The following BCO1 variants were observed in gnomAD, a reference collection of about 807,000 sequenced individuals.
BCO1 encodes beta,beta-carotene 15,15'-dioxygenase.
In BCO1, 54 loss-of-function variants were observed where a neutral mutation model predicts 56.3. The observed-to-expected ratio is 0.96, with a 90% CI of 0.77 to 1.20. BCO1 has a LOEUF of 1.20. Ranked by LOEUF, BCO1 falls within the 50% of genes most tolerant of loss-of-function variation. The pLI is 0.00. For synonymous variants in BCO1, 318 were observed against 266.1 expected (o/e 1.20, Z -1.90); for missense variants, 801 against 690.9 (o/e 1.16, Z -1.79).
intron 1 of BCO1, among the ~76,000 whole-genome samples, chr16:81,244,082 T>G (rs1489630420): frequency 6.6e-6 from 1 of 152,230 alleles, no homozygotes; most frequent in African/African-American, 2.4e-5. Context: ...TGCTTCCTGC[T>G]CTTCCTGCAT....
chr16:81,276,797 T>A (rs1457332120), intron 7 of BCO1, among the ~76,000 whole-genome samples: 1 of 152,086 alleles, frequency 6.6e-6, no homozygotes, highest in African/African-American at 2.4e-5. Flanking sequence ...CCAGGCATGG[T>A]GGCTCACGCG....
chr16:81,280,863 G>A lies in BCO1; in HGVS notation c.1108G>A (p.Glu370Lys). Residue 370 changes from glutamate (E) to lysine (K), a missense_variant, in exon 8 of 11, where the codon GAA becomes AAA. Transcript: ENST00000258168. Reference sequence around the variant, plus strand: ...GAAAACTGAATTTTTTCAGAATGCAGAAGTGGGCACAAATTTAATCAAAGT... The same window carrying A: ...GAAAACTGAATTTTTTCAGAATGCAAAAGTGGGCACAAATTTAATCAAAGT... ...AVPLHVDKNA[E>K]VGTNLIKVAS... 1.9e-6 allele frequency: 3 copies of A among 1,613,048 alleles called. No homozygotes were observed. The highest frequency in any genetic ancestry group is 4.5e-5 in the East Asian group (2 of 44,886).
chr16:81,262,682 G>C (rs185313460), intron 4 of BCO1: 2 of 325,326 alleles, frequency 6.1e-6, no homozygotes, highest in East Asian at 8.0e-5. Context: ...ACAAAAATTA[G>C]CCAGGCGTGG....
Position 81,262,137 on chromosome 16 carries a change from G to A in BCO1, c.325G>A (p.Ala109Thr). 1.2e-6 allele frequency: 2 copies of A among 1,613,750 alleles called. No homozygotes were observed. The highest frequency in any genetic ancestry group is 1.7e-6 in the Non-Finnish European group (2 of 1,179,976). The change falls in exon 4 of 11, where the codon GCT (alanine) becomes ACT (threonine). Residue 109 changes from alanine (A) to threonine (T), a missense_variant and splice_region_variant. By Grantham distance (58) the Ala-to-Thr change is moderately conservative. Coordinates refer to ENST00000258168, the MANE Select transcript of BCO1 (RefSeq NM_017429.3). ...PDPCKNIFSK[A>T]FSYLSHTIPD... ...CTGTTGATTTGCTTTTCTCCCCAGAGCTTTCTCCTACTTGTCTCACACCAT... is the reference window on the plus strand; with the variant it reads ...CTGTTGATTTGCTTTTCTCCCCAGAACTTTCTCCTACTTGTCTCACACCAT...
chr16:81,249,234 G>A (rs1484115927), intron 2 of BCO1, among the ~76,000 whole-genome samples: 3 of 151,806 alleles, frequency 2.0e-5, no homozygotes, highest in Non-Finnish European at 2.9e-5. Context: ...AGGATTACAG[G>A]CACATGCCAC....
intron 4 of BCO1, chr16:81,263,343 C>G (rs1011623424): frequency 6.6e-6 from 1 of 152,162 alleles, no homozygotes; most frequent in Non-Finnish European, 1.5e-5. Flanking sequence ...ATCTCCTGAC[C>G]TCATGATTGG....
intron 3 of BCO1, among the ~76,000 whole-genome samples, chr16:81,260,571 C>T (rs1341774437): frequency 1.3e-5 from 2 of 152,142 alleles, no homozygotes; most frequent in Admixed American, 6.5e-5. Context: ...TGCAATGGCG[C>T]AATCTCAGTT....
At chr16:81,242,883 C>G (rs1905201688) in intron 1 of BCO1, among the ~76,000 whole-genome samples, 1 of 152,038 alleles carries the variant, frequency 6.6e-6, no homozygotes, top group South Asian at 2.1e-4. Flanking sequence ...GAGCGTGAAC[C>G]CTGTCGTGAA....
intron 5 of BCO1, among the ~76,000 whole-genome samples, chr16:81,265,127 A>C (rs1456558331): frequency 6.6e-6 from 1 of 151,606 alleles, no homozygotes; most frequent in African/African-American, 2.4e-5. Flanking sequence ...GCATCTACTC[A>C]CCGTCCATCT....
Position 81,290,719 on chromosome 16 carries a change from C to T in BCO1, c.*142C>T, listed in dbSNP as rs3803652. 1 of 651,448 alleles carries T rather than the reference C, an allele frequency of 1.5e-6. No individual in the cohort carries two copies. The highest frequency in any genetic ancestry group is 2.6e-6 in the Non-Finnish European group (1 of 382,284). The allele number at this position is 651,448 out of a possible 1,614,324, so 40.4% of individuals were successfully genotyped here. A position where few individuals can be genotyped will look rare whatever the true frequency, so the allele number is the denominator to read the frequency against. On this transcript the variant is annotated 3_prime_UTR_variant, in exon 11 of 11. Transcript: ENST00000258168. ...CTTTGACAAGGGCATGGCAAGAGAGCTTGTCAGTATCATTTCTTTCATTTT... is the reference window on the plus strand; with the variant it reads ...CTTTGACAAGGGCATGGCAAGAGAGTTTGTCAGTATCATTTCTTTCATTTT...
chr16:81,261,817 C>T (rs1389731601), intron 3 of BCO1: 4 of 354,064 alleles, frequency 1.1e-5, no homozygotes, highest in South Asian at 6.7e-5. Context: ...TCTCGGTTCA[C>T]TGCAAGCTCC....
intron 3 of BCO1, 42 bp from the exon 4 acceptor site, chr16:81,262,094 T>C: frequency 6.2e-7 from 1 of 1,608,634 alleles, no homozygotes; most frequent in Non-Finnish European, 8.5e-7. Context: ...TCTGGCTGGG[T>C]GGACATAGCC....
intron 2 of BCO1, among the ~76,000 whole-genome samples, chr16:81,249,126 C>T (rs1033426718): frequency 3.3e-5 from 5 of 150,378 alleles, no homozygotes; most frequent in Admixed American, 6.6e-5. Context: ...AGTCTCACTC[C>T]GTTACCCAGG....
intron 9 of BCO1, among the ~76,000 whole-genome samples, chr16:81,286,680 T>C (rs999869585): frequency 1.1e-4 from 16 of 152,020 alleles, no homozygotes; most frequent in African/African-American, 3.1e-4. Context: ...CAAGACCCTG[T>C]CTCTATATTA....
At chr16:81,266,720 C>G (rs943783209) in intron 5 of BCO1, among the ~76,000 whole-genome samples, 4 of 152,132 alleles carry the variant, frequency 2.6e-5, no homozygotes, top group African/African-American at 9.7e-5. Flanking sequence ...ACACCCCAGT[C>G]ACACAGCTCC....
intron 7 of BCO1, among the ~76,000 whole-genome samples, chr16:81,277,356 T>G (rs372597864): frequency 1.6e-4 from 25 of 152,290 alleles, no homozygotes; most frequent in African/African-American, 5.8e-4. Flanking sequence ...CGTCTACAGA[T>G]GAGAAAGTAA....
chr16:81,273,169 G>C (rs1166041083), intron 7 of BCO1, among the ~76,000 whole-genome samples: 1 of 152,128 alleles, frequency 6.6e-6, no homozygotes, highest in Non-Finnish European at 1.5e-5. Context: ...TTTTAGTAGA[G>C]ATGGGGTTTC....
Position 81,280,950 on chromosome 16 carries a change from T to G in BCO1, c.1195T>G (p.Phe399Val). ...TGGCCAAGTCTACTGCCAGCCGGAA[T>G]TTCTTTATGAAGGTAAAATGCATCC... ...EDGQVYCQPEFLYEGLELPRV... is the reference protein window; with the variant it reads ...EDGQVYCQPEVLYEGLELPRV... The change falls in exon 8 of 11, where the codon TTT becomes GTT. Residue 399 changes from phenylalanine to valine, a missense_variant. Phe to Val is a conservative substitution (Grantham distance 50, BLOSUM62 -1). Transcript: ENST00000258168. 1 of 1,613,680 alleles carries G rather than the reference T, an allele frequency of 6.2e-7. No homozygotes were observed. Among genetic ancestry groups the G allele is most frequent in the South Asian group, 1.1e-5 (1 of 91,058 alleles).
At chr16:81,267,565 A>T (rs1906903606) in intron 5 of BCO1, among the ~76,000 whole-genome samples, 1 of 152,170 alleles carries the variant, frequency 6.6e-6, no homozygotes, top group Non-Finnish European at 1.5e-5. Flanking sequence ...GTGGGCTGAG[A>T]TCGTGCCCCT....
Sources: gnomAD v4.1 joint callset for allele counts (sites outside exome capture counted in the v4.1 genomes callset) on GRCh38, gnomAD v4.1.1 for gene constraint, MANE v1.5 for transcripts, NCBI Gene and HGNC (gene_info 2026-07-23, HGNC 2026-07-21) for gene names.